Variants in CACNB4 observed in about 807,000 individuals in gnomAD.
CACNB4 encodes voltage-dependent L-type calcium channel subunit beta-4.
A neutral mutation model predicts 71.2 loss-of-function variants in CACNB4; 32 were observed. The observed-to-expected ratio is 0.45, with a 90% CI of 0.34 to 0.60. The LOEUF (loss-of-function observed/expected upper bound fraction) is 0.60. CACNB4 is among the 20% of genes least tolerant of loss of function. The pLI, the probability that CACNB4 is intolerant of heterozygous loss-of-function variation, is 0.01. For missense variants in CACNB4, 464 were observed against 647.9 expected, an observed-to-expected ratio of 0.72 and a Z score of 3.08; for synonymous variants, 231 against 236.9, an observed-to-expected ratio of 0.97 and a Z score of 0.23.
chr2:152,070,319 A>G (rs985541043), intron 2 of CACNB4, among the ~76,000 whole-genome samples: 2 of 151,990 alleles, frequency 1.3e-5, no homozygotes, highest in Admixed American at 6.5e-5. Context: ...AACCAAATAT[A>G]CCCGTCTCTT....
chr2:152,045,645 G>C (rs550701116), intron 2 of CACNB4, among the ~76,000 whole-genome samples: 2 of 152,064 alleles, frequency 1.3e-5, no homozygotes, highest in African/African-American at 2.4e-5. Context: ...GGAATGAAAA[G>C]GTGGATCAAA....
chr2:151,857,654 G>C (rs2099840635), intron 10 of CACNB4: 1 of 152,198 alleles, frequency 6.6e-6, no homozygotes, highest in South Asian at 2.1e-4. Flanking sequence ...AGGACTACAT[G>C]TGAGCAAGCC....
chr2:151,977,697 A>G (rs969396972), intron 2 of CACNB4, among the ~76,000 whole-genome samples: 1 of 152,236 alleles, frequency 6.6e-6, no homozygotes, highest in Non-Finnish European at 1.5e-5. Flanking sequence ...GCAAAAGGCA[A>G]TTCTGATTCT....
chr2:151,904,539 T>C (rs1350335833), intron 2 of CACNB4, among the ~76,000 whole-genome samples: 1 of 5,540 alleles, frequency 1.8e-4, no homozygotes, highest in Non-Finnish European at 4.7e-3. Flanking sequence ...GAGATAACTC[T>C]TTTTTTTTTT....
intron 2 of CACNB4, among the ~76,000 whole-genome samples, chr2:152,046,128 T>C (rs1219360349): frequency 6.6e-6 from 1 of 152,204 alleles, no homozygotes; most frequent in Non-Finnish European, 1.5e-5. Context: ...AAATGAGTTA[T>C]TAAGAAGGAA....
Position 151,839,029 on chromosome 2 carries a change from G to A in CACNB4, c.*90C>T. 1 of 1,186,920 alleles carries A rather than the reference G, an allele frequency of 8.4e-7. No homozygotes were observed. The highest frequency in any genetic ancestry group is 1.2e-6 in the Non-Finnish European group (1 of 834,134). The allele number at this position is 1,186,920 out of a possible 1,614,324, so 73.5% of individuals were successfully genotyped here. A position where few individuals can be genotyped will look rare whatever the true frequency, so the allele number is the denominator to read the frequency against. ...GCAGCCCATTAGCACAGTAAATACT[G>A]TGCTATGTTAGCCAAGTTAAGATGA... is the stretch of plus-strand genomic sequence containing the variant. On this transcript the variant is annotated 3_prime_UTR_variant, in exon 14 of 14. Transcript: ENST00000539935.
intron 2 of CACNB4, among the ~76,000 whole-genome samples, chr2:151,934,501 A>G (rs1560023986): frequency 1.3e-5 from 2 of 152,242 alleles, no homozygotes; most frequent in East Asian, 1.9e-4. Flanking sequence ...TAACTCAGCT[A>G]AAGTCCAGAA....
In CACNB4 at chr2:151,993,165, T is replaced by TA. The variant is rs1491302636; in HGVS notation, c.147+105164dup. ...CCACGTTTTTTGTTTTTTTTTTTTT[T>TA]AAACATCTTTTTTACTATCAAGGCT... On this transcript the variant is annotated intron_variant, in intron 2 of 13. Transcript: ENST00000539935. 7.4e-3 allele frequency among the ~76,000 whole-genome samples: 1,051 copies of TA among 141,498 alleles called. 8 individuals are homozygous for TA. The highest frequency in any genetic ancestry group is 0.026 in the African/African-American group (1,009 of 39,274). The allele number at this position is 141,498 out of a possible 152,430, so 92.8% of individuals were successfully genotyped here.
At chr2:151,986,044 G>C (rs1046913985) in intron 2 of CACNB4, among the ~76,000 whole-genome samples, 6 of 152,146 alleles carry the variant, frequency 3.9e-5, no homozygotes, top group African/African-American at 1.4e-4. Flanking sequence ...TATCATATCT[G>C]GTGGATGAAA....
chr2:152,058,409 C>T (rs1685836472), intron 2 of CACNB4, among the ~76,000 whole-genome samples: 1 of 152,174 alleles, frequency 6.6e-6, no homozygotes, highest in Non-Finnish European at 1.5e-5. Context: ...TTCCTAGAAA[C>T]TTGTTGAATG....
chr2:151,980,412 G>T (rs1296067865), intron 2 of CACNB4, among the ~76,000 whole-genome samples: 1 of 152,076 alleles, frequency 6.6e-6, no homozygotes, highest in African/African-American at 2.4e-5. Context: ...TGTTGCTTCT[G>T]AGCCCCTTGC....
At chr2:151,947,963 G>A (rs1422888990) in intron 2 of CACNB4, among the ~76,000 whole-genome samples, 1 of 152,194 alleles carries the variant, frequency 6.6e-6, no homozygotes, top group Non-Finnish European at 1.5e-5. Context: ...AGGGCATTCT[G>A]GTGCTCCACT....
chr2:151,856,177 A>G (rs1164203401), intron 10 of CACNB4, among the ~76,000 whole-genome samples: 1 of 150,840 alleles, frequency 6.6e-6, no homozygotes, highest in Non-Finnish European at 1.5e-5. Context: ...AGGAAAACAG[A>G]TAATCAACAT....
In CACNB4 at chr2:151,900,370, T is replaced by C. The variant is rs147796351; in HGVS notation, c.148-17000A>G. The stretch of plus-strand genomic sequence containing the variant: ...AGGTGATGAGGCCAAGAAAGGTGCA[T>C]GGAGAAGTCAGCGCTGGAACTGTGC... On this transcript the variant is annotated intron_variant, in intron 2 of 13. Coordinates refer to ENST00000539935, the MANE Select transcript of CACNB4 (RefSeq NM_000726.5). 4.2e-3 allele frequency among the ~76,000 whole-genome samples: 632 copies of C among 152,210 alleles called. 5 individuals carry two copies. The highest frequency in any genetic ancestry group is 0.014 in the African/African-American group (586 of 41,512).
In CACNB4 at chr2:152,098,196, C is replaced by A; in HGVS notation, c.147+134G>T. On this transcript the variant is annotated intron_variant, in intron 2 of 13. Coordinates refer to ENST00000539935, the MANE Select transcript of CACNB4 (RefSeq NM_000726.5). This position sits in a 1 kb window ranked among gnomAD's most constrained non-coding sequence, Gnocchi z 5.3. ...AGGGAGAGGGACTGAGCCCGAGCAC[C>A]GGCCGAGGCCGGGAAGAGACGCGCG... The A allele has an allele frequency of 1.5e-6, 1 of 657,084 alleles. No homozygotes were observed. Among genetic ancestry groups the A allele is most frequent in the Non-Finnish European group, 2.7e-6 (1 of 375,214 alleles). The allele number at this position is 657,084 out of a possible 1,614,324, so 40.7% of individuals were successfully genotyped here. A position where few individuals can be genotyped will look rare whatever the true frequency, so the allele number is the denominator to read the frequency against.
At chr2:152,018,080 G>A (rs7607603) in intron 2 of CACNB4, among the ~76,000 whole-genome samples, 65,067 of 151,834 alleles carry the variant, frequency 0.43, 16,044 homozygotes, top group Non-Finnish European at 0.57. Flanking sequence ...TGATCCACCC[G>A]CTTCAGCCTC....
At chr2:152,008,380 G>A (rs768204446) in intron 2 of CACNB4, among the ~76,000 whole-genome samples, 3 of 151,944 alleles carry the variant, frequency 2.0e-5, no homozygotes, top group East Asian at 1.9e-4. Context: ...TCCGCCTCCC[G>A]GGTTCAAGTG....
At chr2:151,985,662 C>T (rs1179943587) in intron 2 of CACNB4, among the ~76,000 whole-genome samples, 1 of 133,908 alleles carries the variant, frequency 7.5e-6, no homozygotes, top group Non-Finnish European at 1.6e-5. Flanking sequence ...AAATCCACCG[C>T]TGCCTTAATT....
rs1373102386 is a variant in CACNB4 at position 151,835,263 on chromosome 2, A to G, written c.*3856T>C. 1 of 151,964 alleles carries G rather than the reference A, an allele frequency of 6.6e-6. No homozygotes were observed. The highest frequency in any genetic ancestry group is 1.5e-5 in the Non-Finnish European group (1 of 67,826). 9.4% of individuals were successfully genotyped at this position (151,964 alleles called of 1,614,324 possible). ...TAACCTTGCCTCATGATAAACTGTG[A>G]ACCAATTCAAAGAAAACTTCACTAA... On this transcript the variant is annotated 3_prime_UTR_variant, in exon 14 of 14. Coordinates refer to ENST00000539935, the MANE Select transcript of CACNB4 (RefSeq NM_000726.5).
Sources: gnomAD v4.1 joint callset for allele counts (sites outside exome capture counted in the v4.1 genomes callset) on GRCh38, gnomAD v4.1.1 for gene constraint, Gnocchi (gnomAD v3.1) non-coding constraint, MANE v1.5 for transcripts, NCBI Gene and HGNC (gene_info 2026-07-23, HGNC 2026-07-21) for gene names.